The following RECK variants were observed in gnomAD, a reference collection of about 807,000 sequenced individuals.
RECK encodes the protein reversion inducing cysteine rich protein with kazal motifs.
In RECK, 69 loss-of-function variants were observed where a neutral mutation model predicts 115.1. The ratio of observed to expected loss-of-function variants is 0.60; its 90% CI spans 0.49 to 0.73. RECK has a LOEUF of 0.73. Ranked by LOEUF, RECK falls within the 30% of genes least tolerant of loss-of-function variation. The pLI is 0.00. For missense variants in RECK, 1,047 were observed against 1,203.7 expected, an observed-to-expected ratio of 0.87 and a Z score of 1.93; for synonymous variants, 414 against 419.7, an observed-to-expected ratio of 0.99 and a Z score of 0.17.
chr9:36,077,815 T>G (rs967626125), intron 6 of RECK, among the ~76,000 whole-genome samples: 3 of 152,180 alleles, frequency 2.0e-5, no homozygotes, highest in African/African-American at 7.2e-5. Flanking sequence ...ATTGGGAGAC[T>G]TTTTCTGTAA....
chr9:36,104,250 T>C (rs1199504916), intron 12 of RECK, among the ~76,000 whole-genome samples: 1 of 142,814 alleles, frequency 7.0e-6, no homozygotes, highest in Non-Finnish European at 1.5e-5. Context: ...ATTATTTATT[T>C]ATAGATACAC....
intron 2 of RECK, among the ~76,000 whole-genome samples, chr9:36,058,299 AC>A (rs1482420953): frequency 4.2e-4 from 63 of 150,180 alleles, no homozygotes; most frequent in African/African-American, 1.4e-3. Flanking sequence ...TGGCACATAT[AC>A]ACCATGGAAT....
At chr9:36,067,418 A>G (rs1447744044) in intron 6 of RECK, among the ~76,000 whole-genome samples, 1 of 152,192 alleles carries the variant, frequency 6.6e-6, no homozygotes, top group Non-Finnish European at 1.5e-5. Context: ...TGAGTTTCAG[A>G]GAATGAGTAA....
chr9:36,076,392 C>T (rs1433284802), intron 6 of RECK, among the ~76,000 whole-genome samples: 4 of 152,158 alleles, frequency 2.6e-5, no homozygotes, highest in Non-Finnish European at 5.9e-5. Flanking sequence ...CCCAGGTGCA[C>T]CCAAAGGGTC....
chr9:36,041,589 G>T (rs757226457), intron 1 of RECK, among the ~76,000 whole-genome samples: 88 of 152,186 alleles, frequency 5.8e-4, no homozygotes, highest in Non-Finnish European at 1.1e-3. Flanking sequence ...CACATGGAAA[G>T]CCAAGGGTAG....
intron 20 of RECK, among the ~76,000 whole-genome samples, chr9:36,121,975 C>T (rs1475448427): frequency 6.6e-6 from 1 of 152,094 alleles, no homozygotes; most frequent in Non-Finnish European, 1.5e-5. Context: ...GGAAGGGGTC[C>T]GAGAAATCAC....
chr9:36,100,185 T>A, intron 10 of RECK, 146 bp from the exon 11 acceptor site: 1 of 624,598 alleles, frequency 1.6e-6, no homozygotes, highest in East Asian at 2.7e-5. Flanking sequence ...CTTCATACAA[T>A]CGAAGCTGAT....
intron 4 of RECK, among the ~76,000 whole-genome samples, chr9:36,062,387 C>T (rs1000444405): frequency 6.6e-6 from 1 of 152,134 alleles, no homozygotes; most frequent in Admixed American, 6.5e-5. Context: ...TCTTGAACTC[C>T]TGACTTCAAG....
chr9:36,061,401 C>CACAT (rs1198553626), intron 4 of RECK, among the ~76,000 whole-genome samples: 8 of 138,664 alleles, frequency 5.8e-5, no homozygotes, highest in Non-Finnish European at 1.1e-4. Context: ...TCTACACACA[C>CACAT]ACACACACAC....
chr9:36,058,174 A>G (rs1213386181), intron 2 of RECK, among the ~76,000 whole-genome samples: 1 of 151,930 alleles, frequency 6.6e-6, no homozygotes, highest in East Asian at 1.9e-4. Flanking sequence ...AAGGACTATA[A>G]ATCATGCTGC....
Position 36,063,811 on chromosome 9 carries a change from T to C in RECK, c.288T>C (p.Ser96=). ...GTTTTTAAGGTGTGTTTAAGAAGTCTGATGGCTGGGTTGGCTTAGGCTGCT... is the reference window on the plus strand; with the variant it reads ...GTTTTTAAGGTGTGTTTAAGAAGTCCGATGGCTGGGTTGGCTTAGGCTGCT... ...NSSLPGVFKK[S]DGWVGLGCCE... The change falls in exon 5 of 21, where the codon TCT becomes TCC. Residue 96 remains serine (S), a synonymous_variant. Coordinates refer to ENST00000377966, the MANE Select transcript of RECK (RefSeq NM_021111.3). 6.2e-7 allele frequency: 1 copy of C among 1,614,118 alleles called. No homozygotes were observed. The highest frequency in any genetic ancestry group is 8.5e-7 in the Non-Finnish European group (1 of 1,179,948).
chr9:36,065,661 C>A, intron 6 of RECK, 37 bp downstream of exon 6: 1 of 1,428,486 alleles, frequency 7.0e-7, no homozygotes, highest in Non-Finnish European at 9.4e-7. Flanking sequence ...ATAGCCTATT[C>A]AGATGTTATC....
chr9:36,070,564 A>C (rs924873444), intron 6 of RECK, among the ~76,000 whole-genome samples: 24 of 152,290 alleles, frequency 1.6e-4, no homozygotes, highest in Middle Eastern at 6.8e-3. Context: ...GAACTAGAAA[A>C]GAAGGAGCCA....
At chr9:36,102,849 C>T (rs966582890) in intron 12 of RECK, among the ~76,000 whole-genome samples, 4 of 150,022 alleles carry the variant, frequency 2.7e-5, no homozygotes, top group East Asian at 2.0e-4. Context: ...CCAGCTACTC[C>T]GGAGGCCGAG....
At chr9:36,075,229 A>G (rs1178115576) in intron 6 of RECK, among the ~76,000 whole-genome samples, 1 of 152,190 alleles carries the variant, frequency 6.6e-6, no homozygotes, top group East Asian at 1.9e-4. Context: ...AAATGTGAAA[A>G]ATTGGGGCCA....
intron 18 of RECK, among the ~76,000 whole-genome samples, chr9:36,119,662 C>T (rs1824385024): frequency 6.6e-6 from 1 of 152,146 alleles, no homozygotes; most frequent in Non-Finnish European, 1.5e-5. Flanking sequence ...CCTCTAAGCA[C>T]TGGGGACACA....
chr9:36,087,553 A>C (rs1207590358), intron 8 of RECK, 141 bp from the exon 9 acceptor site: 5 of 754,934 alleles, frequency 6.6e-6, no homozygotes, highest in Non-Finnish European at 1.0e-5. Context: ...TGACAGGTTG[A>C]TGGGTTCAGC....
rs747098985 is a variant in RECK, at chr9:36,121,632, G to A, written c.2638G>A (p.Glu880Lys). ...TGATGTGTTTGGATACTTCAGCATT[G>A]AATCAGAAATTGTGATCCTGATCAT... ...QCDVFGYFSIESEIVILIIPV... is the reference protein window; with the variant it reads ...QCDVFGYFSIKSEIVILIIPV... The change falls in exon 20 of 21, where the codon GAA becomes AAA. Residue 880 changes from glutamate (E) to lysine (K), a missense_variant. Coordinates refer to ENST00000377966, the MANE Select transcript of RECK (RefSeq NM_021111.3). 6.2e-7 allele frequency: 1 copy of A among 1,614,182 alleles called. No homozygotes were observed. Among genetic ancestry groups the A allele is most frequent in the Non-Finnish European group, 8.5e-7 (1 of 1,180,014 alleles).
At chr9:36,069,414 C>T (rs1822139905) in intron 6 of RECK, among the ~76,000 whole-genome samples, 1 of 149,246 alleles carries the variant, frequency 6.7e-6, no homozygotes, top group Non-Finnish European at 1.5e-5. Context: ...GTGGTGCACA[C>T]CTGTAAATCC....
Sources: allele counts gnomAD v4.1 joint callset (sites outside exome capture counted in the v4.1 genomes callset), GRCh38; gene constraint gnomAD v4.1.1; transcripts MANE v1.5; gene names NCBI Gene and HGNC (gene_info 2026-07-23, HGNC 2026-07-21).